Variants in TLE3 observed in about 807,000 individuals in gnomAD.
TLE3 encodes the protein TLE family member 3, transcriptional corepressor, also known as transducin-like enhancer protein 3.
In TLE3, 14 loss-of-function variants were observed where a neutral mutation model predicts 93.0. That is an observed-to-expected ratio of 0.15 (90% CI 0.10 to 0.24). TLE3 has a LOEUF of 0.24. TLE3 is among the 10% of genes least tolerant of loss of function. The pLI, the probability that TLE3 is intolerant of heterozygous loss-of-function variation, is 1.00. For missense variants in TLE3, 693 were observed against 1,046.6 expected, an observed-to-expected ratio of 0.66 and a Z score of 4.66; for synonymous variants, 451 against 425.0, an observed-to-expected ratio of 1.06 and a Z score of -0.75.
chr15:70,083,092 C>T (rs1035646364), intron 4 of TLE3, among the ~76,000 whole-genome samples: 2 of 152,140 alleles, frequency 1.3e-5, no homozygotes, highest in South Asian at 4.1e-4. Context: ...CCTCAGTTTC[C>T]GAATAAAGAA....
intron 6 of TLE3, among the ~76,000 whole-genome samples, chr15:70,067,931 G>A (rs956820424): frequency 6.6e-6 from 1 of 152,148 alleles, no homozygotes; most frequent in Non-Finnish European, 1.5e-5. Context: ...AGGGTGGTCT[G>A]ACCCCACATC....
At chr15:70,089,731 T>C (rs1261032732) in intron 4 of TLE3, among the ~76,000 whole-genome samples, 1 of 152,202 alleles carries the variant, frequency 6.6e-6, no homozygotes, top group Admixed American at 6.5e-5. Context: ...CTTTGTCACG[T>C]TTTTGCCCCT....
At position 70,052,406 on chromosome 15, in the gene TLE3, C is replaced by T; in HGVS notation, c.2093G>A (p.Ser698Asn). 1 of 1,613,958 alleles carries T rather than the reference C, an allele frequency of 6.2e-7. No homozygotes were observed. ...PDKYQLHLHE[S>N]CVLSLKFAYC... Reference sequence around the variant, plus strand: ...GGCGAACTTGAGGGAGAGCACGCAGCTCTCGTGCAGGTGCAGCTGGTACTT... The same window carrying T: ...GGCGAACTTGAGGGAGAGCACGCAGTTCTCGTGCAGGTGCAGCTGGTACTT... The change falls in exon 18 of 20, where the codon AGC becomes AAC. Residue 698 changes from serine (S) to asparagine (N), a missense_variant. By Grantham distance (46) the Ser-to-Asn change is conservative. Around this residue, in one of 4 missense-constraint regions of TLE3, gnomAD observed 153 missense variants for 379.9 expected, o/e 0.40. Transcript: ENST00000451782.
At chr15:70,080,496 T>C (rs1407515660) in intron 4 of TLE3, among the ~76,000 whole-genome samples, 2 of 152,078 alleles carry the variant, frequency 1.3e-5, no homozygotes, top group Non-Finnish European at 2.9e-5. Flanking sequence ...TCCTGCTACA[T>C]CCGGAATCTG....
At chr15:70,057,752 A>C (rs1175840726) in intron 12 of TLE3, 94 bp from the exon 13 acceptor site, 1 of 1,443,802 alleles carries the variant, frequency 6.9e-7, no homozygotes, top group East Asian at 2.5e-5. Context: ...TGCATTCTTA[A>C]GCTGCCTGCT....
intron 5 of TLE3, among the ~76,000 whole-genome samples, chr15:70,075,324 A>C (rs2057383741): frequency 6.6e-6 from 1 of 152,248 alleles, no homozygotes; most frequent in African/African-American, 2.4e-5. Flanking sequence ...TAAAAAAATA[A>C]AGTCTATTTT....
At chr15:70,076,485 C>T (rs2057452841) in intron 4 of TLE3, among the ~76,000 whole-genome samples, 1 of 152,182 alleles carries the variant, frequency 6.6e-6, no homozygotes, top group Admixed American at 6.5e-5. Context: ...AAAAATCACC[C>T]CCAACAACCC....
At chr15:70,096,497 G>C in intron 1 of TLE3, 1 of 1,186,966 alleles carries the variant, frequency 8.4e-7, no homozygotes, top group South Asian at 1.4e-5. Context: ...GTAAGGCGGG[G>C]GCGGGAGACA....
rs17854168 is a variant in TLE3 at position 70,060,554 on chromosome 15, C to T, written c.690G>A (p.Glu230=). 8.7e-6 allele frequency: 14 copies of T among 1,614,010 alleles called. No homozygotes were observed. Among genetic ancestry groups the T allele is most frequent in the Non-Finnish European group, 1.2e-5 (14 of 1,179,884 alleles). Reference sequence around the variant, plus strand: ...CGTATCGGCTCAAGCTGTCCTTCTCCTCCGCCTTCCGCTTCTTGGCTTCCA... The same window carrying T: ...CGTATCGGCTCAAGCTGTCCTTCTCTTCCGCCTTCCGCTTCTTGGCTTCCA... The part of the protein sequence containing the change: ...YSMEAKKRKA[E]EKDSLSRYDS... The change falls in exon 9 of 20, where the codon GAG becomes GAA. Residue 230 remains glutamate, a synonymous_variant. Coordinates refer to ENST00000451782, the MANE Select transcript of TLE3 (RefSeq NM_001105192.3).
chr15:70,054,738 C>A (rs750790853), intron 15 of TLE3, 53 bp from the exon 16 acceptor site: 573 of 1,500,782 alleles, frequency 3.8e-4, no homozygotes, highest in Non-Finnish European at 5.0e-4. Flanking sequence ...TCCTGGGCAC[C>A]AGGAGAGTCC....
intron 2 of TLE3, 74 bp downstream of exon 2, chr15:70,096,087 G>A: frequency 2.7e-6 from 4 of 1,477,856 alleles, no homozygotes; most frequent in Non-Finnish European, 3.6e-6. Flanking sequence ...CTCCGTCCCC[G>A]CGGGGGATGG....
intron 1 of TLE3, 120 bp downstream of exon 1, chr15:70,096,655 G>GCA: frequency 1.9e-6 from 3 of 1,552,712 alleles, no homozygotes; most frequent in Non-Finnish European, 1.7e-6. Flanking sequence ...TTGTGTGAGA[G>GCA]CACACACACA....
chr15:70,096,255 G>A lies in TLE3; in HGVS notation c.31C>T (p.His11Tyr). 1.3e-6 allele frequency: 2 copies of A among 1,553,564 alleles called. No individual in the cohort carries two copies. Among genetic ancestry groups the A allele is most frequent in the Non-Finnish European group, 1.7e-6 (2 of 1,148,426 alleles). The change falls in exon 2 of 20, where the codon CAT becomes TAT. Residue 11 changes from histidine (H) to tyrosine (Y), a missense_variant. Around this residue, in one of 4 missense-constraint regions of TLE3, gnomAD observed 31 missense variants for 24.0 expected, o/e 1.29. Coordinates refer to ENST00000451782, the MANE Select transcript of TLE3 (RefSeq NM_001105192.3). MYPQGRHPAP[H>Y]QPGQPGFKFT... ...TTAAATCCCGGCTGCCCGGGTTGAT[G>A]GGGAGCCTGGAGCCCGCGAAGACAA...
At position 70,097,851 on chromosome 15, in the gene TLE3, A is replaced by C; in HGVS notation, c.-1053T>G. 2.9e-6 allele frequency: 1 copy of C among 345,144 alleles called. No individual in the cohort carries two copies. 21.4% of individuals were successfully genotyped at this position (345,144 alleles called of 1,614,324 possible). On this transcript the variant is annotated 5_prime_UTR_variant, in exon 1 of 20. Transcript: ENST00000451782. ...AGTGCCCCGGACCTACGGATACCAC[A>C]CACAGACAGGCGAAGGGGACGAGCA...
At chr15:70,052,227 G>A (rs1157841858) in intron 18 of TLE3, 147 bp downstream of exon 18, 3 of 945,030 alleles carry the variant, frequency 3.2e-6, no homozygotes, top group Non-Finnish European at 4.6e-6. Context: ...TAAGGGTGTT[G>A]AAGGGGCACC....
At chr15:70,066,394 C>T (rs894599559) in intron 6 of TLE3, among the ~76,000 whole-genome samples, 176 bp from the exon 7 acceptor site, 1 of 152,106 alleles carries the variant, frequency 6.6e-6, no homozygotes, top group Non-Finnish European at 1.5e-5. Context: ...ATGAATGTCT[C>T]GCTGAAGGAA....
At chr15:70,052,173 G>A (rs573664941) in intron 18 of TLE3, among the ~76,000 whole-genome samples, 66 of 152,336 alleles carry the variant, frequency 4.3e-4, no homozygotes, top group African/African-American at 1.6e-3. Flanking sequence ...ATAACTCATG[G>A]TGACATCTGC....
chr15:70,096,320 C>G, intron 1 of TLE3, 59 bp from the exon 2 acceptor site: 3 of 1,535,200 alleles, frequency 2.0e-6, no homozygotes, highest in Non-Finnish European at 2.6e-6. Context: ...GCGCTCAGAG[C>G]GGCCCCGGCC....
Position 70,073,096 on chromosome 15 carries a change from G to A in TLE3, c.372+1437C>T, listed in dbSNP as rs112442108. 2.0e-3 allele frequency among the ~76,000 whole-genome samples: 308 copies of A among 152,278 alleles called. 1 individual carries two copies. The highest frequency in any genetic ancestry group is 7.1e-3 in the African/African-American group (294 of 41,556). The stretch of plus-strand genomic sequence containing the variant: ...CAGCCCAGAAGGACAAACCCACTGT[G>A]CTGCCTTCATCAAAGGACTCTGCAA... On this transcript the variant is annotated intron_variant, in intron 6 of 19. Coordinates refer to ENST00000451782, the MANE Select transcript of TLE3 (RefSeq NM_001105192.3).
Sources: allele counts gnomAD v4.1 joint callset (sites outside exome capture counted in the v4.1 genomes callset), GRCh38; gene constraint gnomAD v4.1.1; regional missense constraint gnomAD v4.1.1; transcripts MANE v1.5; gene names NCBI Gene and HGNC (gene_info 2026-07-23, HGNC 2026-07-21).